Variants in PRKAG3 observed in about 807,000 individuals in gnomAD.
PRKAG3 encodes protein kinase AMP-activated non-catalytic subunit gamma 3.
PRKAG3 carries 39 observed loss-of-function variants against 56.5 expected under a neutral mutation model. The observed-to-expected ratio is 0.69, with a 90% confidence interval of 0.53 to 0.90. The LOEUF (loss-of-function observed/expected upper bound fraction) is 0.90. Ranked by LOEUF, PRKAG3 falls within the 40% of genes least tolerant of loss-of-function variation. The pLI is 0.00. For missense variants in PRKAG3, 628 were observed against 627.5 expected, an observed-to-expected ratio of 1.00 and a Z score of -0.01; for synonymous variants, 243 against 250.1, an observed-to-expected ratio of 0.97 and a Z score of 0.27.
At position 218,831,042 on chromosome 2, in the gene PRKAG3, C is replaced by T. The variant is rs1047274833; in HGVS notation, c.74-141G>A. ...TTTCTCATTTAAAACTTACAGCAGC[C>T]TTATAAAGCAGGCATTATTATCATC... On this transcript the variant is annotated intron_variant, in intron 2 of 12. Transcript: ENST00000529249. 6.1e-5 allele frequency: 68 copies of T among 1,115,788 alleles called. No individual in the cohort carries two copies. In the Admixed American group the frequency reaches 9.7e-4, roughly 16 times the overall value. The allele number at this position is 1,115,788 out of a possible 1,614,324, so 69.1% of individuals were successfully genotyped here.
chr2:218,826,687 C>A, intron 10 of PRKAG3: 1 of 544,364 alleles, frequency 1.8e-6, no homozygotes, highest in African/African-American at 1.9e-5. Flanking sequence ...CCTTTTAAAT[C>A]CTCCTGTGAA....
chr2:218,828,561 G>T, exon 5 of PRKAG3: 4 of 1,613,542 alleles, frequency 2.5e-6, no homozygotes, highest in Non-Finnish European at 3.4e-6. Flanking sequence ...GGGGCTGCCC[G>T]CACACCGTTG....
Position 218,824,212 on chromosome 2 carries a change from C to A in PRKAG3, c.1353+10G>T. The A allele has an allele frequency of 6.2e-7, 1 of 1,614,064 alleles. No individual in the cohort carries two copies. Among genetic ancestry groups the A allele is most frequent in the Non-Finnish European group, 8.5e-7 (1 of 1,179,984 alleles). On this transcript the variant is annotated intron_variant, in intron 12 of 12. Coordinates refer to ENST00000529249, the Ensembl canonical transcript of PRKAG3. ...ATGTGTTGGGGGCATGAATGGAGGG[C>A]ACACGGTACCTGCTCCCGAGCAATC...
Position 218,827,544 on chromosome 2 carries a change from G to A in PRKAG3, c.875+31C>T, listed in dbSNP as rs1184745845. 1 of 1,609,176 alleles carries A rather than the reference G, an allele frequency of 6.2e-7. No homozygotes were observed. The highest frequency in any genetic ancestry group is 8.5e-7 in the Non-Finnish European group (1 of 1,175,584). The stretch of plus-strand genomic sequence containing the variant: ...CTGGGGAAGGGGACTGTGGGAGGAG[G>A]AGGCTCAGGTGAATGAGCAGAGACA... On this transcript the variant is annotated intron_variant, in intron 8 of 12. Transcript: ENST00000529249. The surrounding 1 kb of genome is among the most constrained non-coding windows in gnomAD (Gnocchi z 5.3).
At chr2:218,824,327 A>T in exon 12 of PRKAG3, 1 of 1,613,846 alleles carries the variant, frequency 6.2e-7, no homozygotes, top group Non-Finnish European at 8.5e-7. Flanking sequence ...CTTCTCCCAC[A>T]CTCATGTCCA....
rs1943994169 is a variant in PRKAG3, at chr2:218,829,971, G to T, written c.633+7C>A. On this transcript the variant is annotated splice_region_variant and intron_variant, in intron 4 of 12. Transcript: ENST00000529249. Reference sequence around the variant, plus strand: ...TGAGTACAGGTTGGGCAGAGCCGTGGCCTCACCTCCAGCATGGTGTCGAAG... The same window carrying T: ...TGAGTACAGGTTGGGCAGAGCCGTGTCCTCACCTCCAGCATGGTGTCGAAG... 1 of 1,612,384 alleles carries T rather than the reference G, an allele frequency of 6.2e-7. No homozygotes were observed. Among genetic ancestry groups the T allele is most frequent in the East Asian group, 2.2e-5 (1 of 44,868 alleles).
Position 218,827,171 on chromosome 2 carries a change from T to G in PRKAG3, c.1002+76A>C. On this transcript the variant is annotated intron_variant, in intron 9 of 12. Coordinates refer to ENST00000529249, the Ensembl canonical transcript of PRKAG3. The surrounding 1 kb of genome is among the most constrained non-coding windows in gnomAD (Gnocchi z 5.3). ...GCTCCCAGCTCTTCCCCACGACTGC[T>G]AGGGCTGAAGACTCCTCAGGCCCTC... is the stretch of plus-strand genomic sequence containing the variant. The G allele has an allele frequency of 6.2e-7, 1 of 1,613,168 alleles. No homozygotes were observed. Among genetic ancestry groups the G allele is most frequent in the Non-Finnish European group, 8.5e-7 (1 of 1,179,690 alleles).
In PRKAG3 at chr2:218,828,672, G is replaced by T. The variant is rs892526666; in HGVS notation, c.634-72C>A. On this transcript the variant is annotated intron_variant, in intron 4 of 12. Coordinates refer to ENST00000529249, the Ensembl canonical transcript of PRKAG3. ...CACCCCCCTCTCTGCCCCTCAGTGC[G>T]CACCTCCCATCTGCCTGCTGTCCCC... is the stretch of plus-strand genomic sequence containing the variant. 13 of 1,332,690 alleles carry T rather than the reference G, an allele frequency of 9.8e-6. 1 individual carries two copies. In the South Asian group the frequency reaches 1.7e-4, roughly 18 times the overall value. 82.6% of individuals were successfully genotyped at this position (1,332,690 alleles called of 1,614,324 possible). A position where few individuals can be genotyped will look rare whatever the true frequency, so the allele number is the denominator to read the frequency against.
chr2:218,826,004 C>T (rs1384201619), intron 10 of PRKAG3, among the ~76,000 whole-genome samples: 2 of 152,066 alleles, frequency 1.3e-5, no homozygotes, highest in African/African-American at 4.8e-5. Context: ...CGTGATCCGC[C>T]CACCTTGGCC....
chr2:218,822,810 G>C (rs953172535), downstream of PRKAG3: 14 of 883,186 alleles, frequency 1.6e-5, no homozygotes, highest in Admixed American at 8.1e-4. Context: ...GGAGCTGAAG[G>C]CTGAAGCCAT....
At chr2:218,823,463 C>G (rs1348609487) in exon 13 of PRKAG3, 1 of 434,876 alleles carries the variant, frequency 2.3e-6, no homozygotes, top group African/African-American at 2.0e-5. Flanking sequence ...CCTTCTAGGA[C>G]AGTCTCCATG....
At chr2:218,825,835 C>T (rs892727849) in intron 10 of PRKAG3, among the ~76,000 whole-genome samples, 2 of 150,512 alleles carry the variant, frequency 1.3e-5, no homozygotes, top group Non-Finnish European at 1.5e-5. Flanking sequence ...TGGCTCACTG[C>T]AACCTCTGCC....
In PRKAG3 at chr2:218,827,932, C is replaced by G. The variant is rs551549837; in HGVS notation, c.775-54G>C. ...CAGAAAGACGTGGGCTTCTAGGGCA[C>G]CAGGCTCCAGGAGGACTCCCCTCCG... is the stretch of plus-strand genomic sequence containing the variant. On this transcript the variant is annotated intron_variant, in intron 6 of 12. Coordinates refer to ENST00000529249, the Ensembl canonical transcript of PRKAG3. This position sits in a 1 kb window ranked among gnomAD's most constrained non-coding sequence, Gnocchi z 5.3. 3 of 1,610,702 alleles carry G rather than the reference C, an allele frequency of 1.9e-6. No homozygotes were observed. Among genetic ancestry groups the G allele is most frequent in the Non-Finnish European group, 2.5e-6 (3 of 1,177,846 alleles).
chr2:218,825,129 G>A (rs1559396897), intron 10 of PRKAG3, among the ~76,000 whole-genome samples: 1 of 152,120 alleles, frequency 6.6e-6, no homozygotes, highest in Non-Finnish European at 1.5e-5. Flanking sequence ...AAGGTCAGGA[G>A]TTCAAAACCA....
At chr2:218,829,210 A>G (rs1269209510) in intron 4 of PRKAG3, among the ~76,000 whole-genome samples, 1 of 152,234 alleles carries the variant, frequency 6.6e-6, no homozygotes, top group Non-Finnish European at 1.5e-5. Flanking sequence ...AATGATAAGA[A>G]TAAGATTATA....
At chr2:218,829,403 C>T (rs775147380) in intron 4 of PRKAG3, among the ~76,000 whole-genome samples, 2 of 151,956 alleles carry the variant, frequency 1.3e-5, no homozygotes, top group Non-Finnish European at 2.9e-5. Context: ...TCACTGCAAC[C>T]TCTGCCTCCT....
intron 5 of PRKAG3, 137 bp downstream of exon 5, chr2:218,828,382 T>G (rs1013769075): frequency 2.1e-6 from 2 of 959,848 alleles, no homozygotes; most frequent in Non-Finnish European, 3.0e-6. Context: ...CCGGATGGAC[T>G]TTCCTCCACC....
chr2:218,824,485 C>T (rs1943902685), intron 11 of PRKAG3, 54 bp downstream of exon 11: 4 of 1,603,636 alleles, frequency 2.5e-6, no homozygotes, highest in Non-Finnish European at 3.4e-6. Context: ...GCCCCCCACC[C>T]ATCCCCACAC....
chr2:218,824,070 G>T, intron 12 of PRKAG3, 152 bp downstream of exon 12: 1 of 1,341,806 alleles, frequency 7.5e-7, no homozygotes, highest in Non-Finnish European at 1.0e-6. Flanking sequence ...GGGCCCCATG[G>T]ACAGGACCAG....
Sources: allele counts gnomAD v4.1 joint callset (sites outside exome capture counted in the v4.1 genomes callset), GRCh38; gene constraint gnomAD v4.1.1; non-coding constraint Gnocchi (gnomAD v3.1); transcripts MANE v1.5; gene names NCBI Gene and HGNC (gene_info 2026-07-23, HGNC 2026-07-21).